FOXP2: variants seen among roughly 807,000 people sequenced by gnomAD.
FOXP2 encodes forkhead box P2.
FOXP2 carries 12 observed loss-of-function variants against 115.8 expected under a neutral mutation model. The ratio of observed to expected loss-of-function variants is 0.10; its 90% CI spans 0.07 to 0.17. The LOEUF (loss-of-function observed/expected upper bound fraction) is 0.17. Ranked by LOEUF, FOXP2 falls within the 10% of genes least tolerant of loss-of-function variation. FOXP2 has a pLI of 1.00. For synonymous variants in FOXP2, 328 were observed against 297.7 expected (o/e 1.10, Z -1.05); for missense variants, 629 against 843.5 (o/e 0.75, Z 3.15).
intron 1 of FOXP2, among the ~76,000 whole-genome samples, chr7:114,101,868 C>A (rs1316614872): frequency 6.8e-6 from 1 of 148,018 alleles, no homozygotes; most frequent in African/African-American, 2.5e-5. Context: ...TCTTATTAAT[C>A]ATATTTGATT....
At chr7:114,353,975 A>G (rs1791556837) in intron 2 of FOXP2, among the ~76,000 whole-genome samples, 1 of 152,114 alleles carries the variant, frequency 6.6e-6, no homozygotes, top group African/African-American at 2.4e-5. Flanking sequence ...GACCTAGTAA[A>G]ACATTATTTT....
chr7:114,188,385 G>T (rs1214142749), intron 1 of FOXP2, among the ~76,000 whole-genome samples: 1 of 152,042 alleles, frequency 6.6e-6, no homozygotes, highest in Admixed American at 6.6e-5. Context: ...TTGCTTCAGG[G>T]CATGTGCTCT....
chr7:114,575,426 G>A (rs1381665318), intron 3 of FOXP2, among the ~76,000 whole-genome samples: 1 of 151,796 alleles, frequency 6.6e-6, no homozygotes, highest in Non-Finnish European at 1.5e-5. Flanking sequence ...AGGGGCATTG[G>A]ACATTGTACC....
chr7:114,680,744 T>TAA (rs773843932), intron 16 of FOXP2, among the ~76,000 whole-genome samples: 6 of 119,148 alleles, frequency 5.0e-5, no homozygotes, highest in South Asian at 2.7e-4. Context: ...AGACTCCATC[T>TAA]AAAAAAAAAA....
chr7:114,241,482 G>A (rs982476509), intron 1 of FOXP2, among the ~76,000 whole-genome samples: 8 of 152,002 alleles, frequency 5.3e-5, no homozygotes, highest in Non-Finnish European at 8.8e-5. Flanking sequence ...TAGGGCTAAG[G>A]AATTAATTCT....
intron 1 of FOXP2, among the ~76,000 whole-genome samples, chr7:114,150,302 C>T (rs945874715): frequency 1.3e-5 from 2 of 151,976 alleles, no homozygotes; most frequent in Non-Finnish European, 2.9e-5. Context: ...TAATTGATAT[C>T]AGTTTCTATG....
chr7:114,272,071 T>C (rs991889686), intron 1 of FOXP2, among the ~76,000 whole-genome samples: 1 of 143,010 alleles, frequency 7.0e-6, no homozygotes, highest in Admixed American at 7.4e-5. Context: ...AATATATAAA[T>C]ACATATATAA....
upstream of FOXP2, among the ~76,000 whole-genome samples, chr7:114,162,683 AT>A (rs1792875179): frequency 6.6e-6 from 1 of 152,080 alleles, no homozygotes; most frequent in Non-Finnish European, 1.5e-5. Flanking sequence ...CTTTGTAGTC[AT>A]TTAGATTTTG....
intron 1 of FOXP2, among the ~76,000 whole-genome samples, chr7:114,192,867 G>A (rs897466684): frequency 3.9e-5 from 6 of 152,134 alleles, no homozygotes; most frequent in Non-Finnish European, 8.8e-5. Flanking sequence ...CAACACCTTA[G>A]TAGAAATAAA....
At chr7:114,455,194 C>G (rs916543999) in intron 2 of FOXP2, among the ~76,000 whole-genome samples, 6 of 152,048 alleles carry the variant, frequency 3.9e-5, no homozygotes, top group Non-Finnish European at 5.9e-5. Flanking sequence ...CTATCTGAAC[C>G]CCAAACTGCA....
chr7:114,202,984 G>A (rs1266011453), intron 1 of FOXP2, among the ~76,000 whole-genome samples: 4 of 151,940 alleles, frequency 2.6e-5, no homozygotes, highest in Admixed American at 2.6e-4. Flanking sequence ...TTCATTTTCA[G>A]CCTCAACCAA....
chr7:114,661,884 C>A, intron 13 of FOXP2, 181 bp from the exon 14 acceptor site: 1 of 687,650 alleles, frequency 1.5e-6, no homozygotes, highest in Non-Finnish European at 2.4e-6. Flanking sequence ...AAAGTTCAAA[C>A]TGCAGATTCC....
intron 16 of FOXP2, among the ~76,000 whole-genome samples, chr7:114,675,152 G>A (rs904279581): frequency 1.2e-4 from 18 of 152,026 alleles, no homozygotes; most frequent in South Asian, 4.2e-4. Context: ...TAAACTTGTC[G>A]TTTTCATGAA....
chr7:114,094,566 G>A (rs538380213), intron 1 of FOXP2, among the ~76,000 whole-genome samples: 2 of 152,112 alleles, frequency 1.3e-5, no homozygotes, highest in East Asian at 3.9e-4. Flanking sequence ...AAATAATTCT[G>A]ACATACCATT....
At chr7:114,320,949 G>A (rs768760003) in intron 2 of FOXP2, among the ~76,000 whole-genome samples, 2 of 152,078 alleles carry the variant, frequency 1.3e-5, no homozygotes, top group Non-Finnish European at 2.9e-5. Flanking sequence ...CTAAGGCAAC[G>A]TTTACTTTAT....
At chr7:114,167,544 G>A (rs1325351498) in intron 1 of FOXP2, among the ~76,000 whole-genome samples, 1 of 152,090 alleles carries the variant, frequency 6.6e-6, no homozygotes, top group Non-Finnish European at 1.5e-5. Context: ...ATGTGTTATG[G>A]GAGGGACCCA....
At chr7:114,455,372 A>G (rs1294890893) in intron 2 of FOXP2, among the ~76,000 whole-genome samples, 2 of 152,212 alleles carry the variant, frequency 1.3e-5, no homozygotes, top group Non-Finnish European at 2.9e-5. Flanking sequence ...GCCATTGTGT[A>G]TATTGTGTAA....
At chr7:114,519,755 C>G (rs1219374609) in intron 2 of FOXP2, among the ~76,000 whole-genome samples, 1 of 152,158 alleles carries the variant, frequency 6.6e-6, no homozygotes, top group Non-Finnish European at 1.5e-5. Flanking sequence ...GGTTTAATGT[C>G]TTCCGAGACA....
At chr7:114,256,245 G>T (rs539793635) in intron 1 of FOXP2, among the ~76,000 whole-genome samples, 1 of 152,178 alleles carries the variant, frequency 6.6e-6, no homozygotes, top group Admixed American at 6.5e-5. Context: ...TGGGATTACA[G>T]GCATGTGCCA....
Sources: allele counts gnomAD v4.1 joint callset (sites outside exome capture counted in the v4.1 genomes callset), GRCh38; gene constraint gnomAD v4.1.1; transcripts MANE v1.5; gene names NCBI Gene and HGNC (gene_info 2026-07-23, HGNC 2026-07-21).